Variants in PTGER2 observed in about 807,000 individuals in gnomAD.
PTGER2 encodes the protein prostaglandin E2 receptor EP2 subtype.
A neutral mutation model predicts 26.2 loss-of-function variants in PTGER2; 22 were observed. The ratio of observed to expected loss-of-function variants is 0.84; its 90% CI spans 0.60 to 1.20. PTGER2 has a LOEUF of 1.20. Among genes scored for constraint, PTGER2 ranks in the 50% most tolerant of loss-of-function variants. PTGER2 has a pLI of 0.00. For missense variants in PTGER2, 458 were observed against 475.2 expected, an observed-to-expected ratio of 0.96 and a Z score of 0.34; for synonymous variants, 219 against 208.9, an observed-to-expected ratio of 1.05 and a Z score of -0.42.
At chr14:52,325,257 C>T (rs1319957087) in intron 1 of PTGER2, among the ~76,000 whole-genome samples, 2 of 60,090 alleles carry the variant, frequency 3.3e-5, no homozygotes, top group Non-Finnish European at 1.1e-4. Context: ...AGAATTGCTT[C>T]ATCCTCTACA....
At chr14:52,323,915 A>G (rs959245607) in intron 1 of PTGER2, among the ~76,000 whole-genome samples, 2 of 152,242 alleles carry the variant, frequency 1.3e-5, no homozygotes, top group African/African-American at 2.4e-5. Flanking sequence ...AAAGATGGAT[A>G]ACTTCTACCA....
chr14:52,318,523 A>G (rs1399340430), intron 1 of PTGER2, among the ~76,000 whole-genome samples: 1 of 152,232 alleles, frequency 6.6e-6, no homozygotes, highest in Non-Finnish European at 1.5e-5. Flanking sequence ...AGAAAATAGT[A>G]GCAATCTACT....
intron 1 of PTGER2, among the ~76,000 whole-genome samples, chr14:52,326,812 G>C (rs2033955377): frequency 6.6e-6 from 1 of 152,112 alleles, no homozygotes; most frequent in South Asian, 2.1e-4. Flanking sequence ...AGATAAAGCG[G>C]GGTTAGTACC....
At chr14:52,326,343 G>T (rs2033950549) in intron 1 of PTGER2, among the ~76,000 whole-genome samples, 1 of 152,120 alleles carries the variant, frequency 6.6e-6, no homozygotes, top group South Asian at 2.1e-4. Flanking sequence ...AACCAGCTCT[G>T]GGTACTTGAG....
intron 1 of PTGER2, among the ~76,000 whole-genome samples, chr14:52,324,511 A>G (rs2140039697): frequency 6.6e-6 from 1 of 152,364 alleles, no homozygotes; most frequent in South Asian, 2.1e-4. Flanking sequence ...ACTCTTTGCT[A>G]TCTCTACAAA....
chr14:52,314,700 G>C lies in PTGER2; in HGVS notation c.152G>C (p.Arg51Pro). The C allele has an allele frequency of 1.3e-6, 2 of 1,552,756 alleles. No individual in the cohort carries two copies. The highest frequency in any genetic ancestry group is 1.7e-6 in the Non-Finnish European group (2 of 1,146,154). ...CTGGCGCTGCTGGCGCGCCGCTGGCGGGGGGACGTGGGGTGCAGCGCCGGC... is the reference window on the plus strand; with the variant it reads ...CTGGCGCTGCTGGCGCGCCGCTGGCCGGGGGACGTGGGGTGCAGCGCCGGC... ...IALALLARRW[R>P]GDVGCSAGRR... Residue 51 changes from arginine (R) to proline (P), a missense_variant, in exon 1 of 2, where the codon CGG (arginine) becomes CCG (proline). Physicochemically the swap from Arg to Pro is moderately radical, Grantham distance 103. Coordinates refer to ENST00000245457, the MANE Select transcript of PTGER2 (RefSeq NM_000956.4). The surrounding 1 kb of genome is among the most constrained non-coding windows in gnomAD (Gnocchi z 5.7).
At chr14:52,317,922 G>T (rs1208929166) in intron 1 of PTGER2, among the ~76,000 whole-genome samples, 1 of 152,146 alleles carries the variant, frequency 6.6e-6, no homozygotes, top group Non-Finnish European at 1.5e-5. Flanking sequence ...ATTTTATTTT[G>T]TCAATAGATT....
intron 1 of PTGER2, among the ~76,000 whole-genome samples, chr14:52,316,257 G>A (rs1336242965): frequency 2.6e-5 from 4 of 152,174 alleles, no homozygotes; most frequent in Non-Finnish European, 5.9e-5. Flanking sequence ...GGAACTGAAG[G>A]ACAAGAGACC....
Position 52,327,605 on chromosome 14 carries a change from A to T in PTGER2, c.*151A>T. 1.5e-6 allele frequency: 1 copy of T among 657,878 alleles called. No homozygotes were observed. The highest frequency in any genetic ancestry group is 2.5e-6 in the Non-Finnish European group (1 of 397,598). The allele number at this position is 657,878 out of a possible 1,614,324, so 40.8% of individuals were successfully genotyped here. A position where few individuals can be genotyped will look rare whatever the true frequency, so the allele number is the denominator to read the frequency against. On this transcript the variant is annotated 3_prime_UTR_variant, in exon 2 of 2. Coordinates refer to ENST00000245457, the MANE Select transcript of PTGER2 (RefSeq NM_000956.4). Reference sequence around the variant, plus strand: ...ATTTAAGCTGTGGTCAAGGCTACAGATGTGCTGACAAGGCACTTCATGTAA... The same window carrying T: ...ATTTAAGCTGTGGTCAAGGCTACAGTTGTGCTGACAAGGCACTTCATGTAA...
Position 52,315,076 on chromosome 14 carries a change from G to T in PTGER2, c.528G>T (p.Gly176=). The change falls in exon 1 of 2, where the codon GGG becomes GGT. Residue 176 remains glycine (G), a synonymous_variant. Transcript: ENST00000245457. The part of the protein sequence containing the change: ...LFCSLPLLDY[G]QYVQYCPGTW... ...GCTCGCTGCCGCTGCTGGACTATGG[G>T]CAGTACGTCCAGTACTGCCCCGGGA... The T allele has an allele frequency of 3.1e-6, 5 of 1,611,794 alleles. No individual in the cohort carries two copies. Among genetic ancestry groups the T allele is most frequent in the Non-Finnish European group, 4.2e-6 (5 of 1,179,910 alleles).
At chr14:52,315,754 G>A (rs575727583) in intron 1 of PTGER2, among the ~76,000 whole-genome samples, 22 of 152,308 alleles carry the variant, frequency 1.4e-4, no homozygotes, top group African/African-American at 4.8e-4. Context: ...TTCCACCTTA[G>A]GATGGCTGTC....
chr14:52,327,214 C>G lies in PTGER2; in HGVS notation c.844-7C>G, dbSNP rs751944375. ...CTAACATCATTTTTCCCCTTTGCTT[C>G]TTACAGATTTTTGCATATATGAATG... On this transcript the variant is annotated splice_region_variant and splice_polypyrimidine_tract_variant and intron_variant, in intron 1 of 1. Transcript: ENST00000245457. 1.9e-5 allele frequency: 29 copies of G among 1,562,178 alleles called. No individual in the cohort carries two copies. Among genetic ancestry groups the G allele is most frequent in the Non-Finnish European group, 2.4e-5 (27 of 1,135,068 alleles).
intron 1 of PTGER2, among the ~76,000 whole-genome samples, chr14:52,322,126 T>C (rs1205430313): frequency 6.6e-6 from 1 of 152,148 alleles, no homozygotes; most frequent in Non-Finnish European, 1.5e-5. Flanking sequence ...ATATTTCAAC[T>C]TAGGTTCTTT....
intron 1 of PTGER2, 70 bp downstream of exon 1, chr14:52,315,461 A>G: frequency 6.4e-7 from 1 of 1,560,834 alleles, no homozygotes. Context: ...TGACGCCTCC[A>G]CCCTTTCCAC....
Position 52,327,442 on chromosome 14 carries a change from GGCTGACCT to G in PTGER2, c.1066_1073del (p.Ala356LeufsTer6), listed in dbSNP as rs1430061157. ...CTACACAGTCAGATGCCAGTAAACA[GGCTGACCT>G]TTGAGGTCAGTAGTTTAAAAGTTCT... On this transcript the variant is annotated frameshift_variant, in exon 2 of 2. Transcript: ENST00000245457. LOFTEE classifies it high-confidence loss of function. 6.2e-7 allele frequency: 1 copy of G among 1,604,456 alleles called. No homozygotes were observed.
Position 52,314,759 on chromosome 14 carries a change from G to A in PTGER2, c.211G>A (p.Val71Met), listed in dbSNP as rs781057105. The A allele has an allele frequency of 1.9e-6, 3 of 1,603,864 alleles. No individual in the cohort carries two copies. Among genetic ancestry groups the A allele is most frequent in the African/African-American group, 2.7e-5 (2 of 74,812 alleles). ...CTCCCTCTCCTTGTTCCACGTGCTG[G>A]TGACCGAGCTGGTGTTCACCGACCT... ...RSSLSLFHVL[V>M]TELVFTDLLG... Residue 71 changes from valine to methionine, a missense_variant, in exon 1 of 2, where the codon GTG becomes ATG. Coordinates refer to ENST00000245457, the MANE Select transcript of PTGER2 (RefSeq NM_000956.4). This position sits in a 1 kb window ranked among gnomAD's most constrained non-coding sequence, Gnocchi z 5.7.
chr14:52,327,108 A>C, intron 1 of PTGER2, 113 bp from the exon 2 acceptor site: 1 of 749,676 alleles, frequency 1.3e-6, no homozygotes, highest in South Asian at 1.9e-5. Context: ...CCCCACCACT[A>C]CCACAGACAA....
In PTGER2 at chr14:52,314,505, A is replaced by G. The variant is rs1441661203; in HGVS notation, c.-44A>G. ...TCTCAGACCCTCTTCCTCCCAGGTA[A>G]AGGCCGGGAGAGGAGGGCGCATCTC... On this transcript the variant is annotated 5_prime_UTR_variant, in exon 1 of 2. Transcript: ENST00000245457. This position sits in a 1 kb window ranked among gnomAD's most constrained non-coding sequence, Gnocchi z 5.7. The G allele has an allele frequency of 2.1e-6, 3 of 1,433,526 alleles. No homozygotes were observed. The African/African-American group carries it at 4.3e-5, about 21-fold the overall frequency. 88.8% of individuals were successfully genotyped at this position (1,433,526 alleles called of 1,614,324 possible). A position where few individuals can be genotyped will look rare whatever the true frequency, so the allele number is the denominator to read the frequency against.
intron 1 of PTGER2, 63 bp from the exon 2 acceptor site, chr14:52,327,158 G>A (rs1344204208): frequency 8.2e-7 from 1 of 1,214,074 alleles, no homozygotes; most frequent in Non-Finnish European, 1.2e-6. Context: ...ATAACATAGG[G>A]TCTAAGCCTG....
Sources: allele counts gnomAD v4.1 joint callset (sites outside exome capture counted in the v4.1 genomes callset), GRCh38; gene constraint gnomAD v4.1.1; non-coding constraint Gnocchi (gnomAD v3.1); transcripts MANE v1.5; gene names NCBI Gene and HGNC (gene_info 2026-07-23, HGNC 2026-07-21).